The following TENM4 variants were observed in gnomAD, a reference collection of about 807,000 sequenced individuals.
TENM4 encodes the protein teneurin transmembrane protein 4.
In TENM4, 82 loss-of-function variants were observed where a neutral mutation model predicts 243.3. The observed-to-expected ratio is 0.34, with a 90% CI of 0.28 to 0.40. The LOEUF (loss-of-function observed/expected upper bound fraction) is 0.40. Ranked by LOEUF, TENM4 falls within the 10% of genes least tolerant of loss-of-function variation. The pLI, the probability that TENM4 is intolerant of heterozygous loss-of-function variation, is 1.00. For missense variants in TENM4, 3,138 were observed against 3,673.3 expected, an observed-to-expected ratio of 0.85 and a Z score of 3.77; for synonymous variants, 1,412 against 1,456.3, an observed-to-expected ratio of 0.97 and a Z score of 0.69.
At chr11:78,765,098 C>G (rs1856516300) in intron 18 of TENM4, among the ~76,000 whole-genome samples, 1 of 152,164 alleles carries the variant, frequency 6.6e-6, no homozygotes, top group African/African-American at 2.4e-5. Context: ...GACCCATTAG[C>G]CAACCATATC....
In TENM4 at chr11:78,732,390, C is replaced by T; in HGVS notation, c.3064G>A (p.Val1022Ile). The T allele has an allele frequency of 6.2e-7, 1 of 1,613,938 alleles. No individual in the cohort carries two copies. Among genetic ancestry groups the T allele is most frequent in the South Asian group, 1.1e-5 (1 of 91,084 alleles). The change falls in exon 21 of 34, where the codon GTC (valine) becomes ATC (isoleucine). Residue 1022 changes from valine to isoleucine, a missense_variant. Val to Ile is a conservative substitution (Grantham distance 29). Transcript: ENST00000278550. ...DLSNFARPNP[V>I]VSPSPLTSFA... ...GACGTCAGTGGGGATGGAGAGACGA[C>T]TGGGTTGGGGCGGGCAAAATTGCTC...
chr11:79,140,332 G>A (rs1041004349), intron 4 of TENM4, among the ~76,000 whole-genome samples: 8 of 152,056 alleles, frequency 5.3e-5, no homozygotes, highest in Admixed American at 5.2e-4. Flanking sequence ...TACCCCCAAG[G>A]TTGGGCTAAA....
chr11:79,232,097 C>CAAACA (rs1292037245), intron 2 of TENM4, among the ~76,000 whole-genome samples: 21 of 151,984 alleles, frequency 1.4e-4, no homozygotes, highest in Non-Finnish European at 5.9e-5. Flanking sequence ...AAAGAAAAAG[C>CAAACA]AAACAAAACA....
At chr11:79,396,151 T>C (rs1230380401) in intron 1 of TENM4, among the ~76,000 whole-genome samples, 4 of 152,350 alleles carry the variant, frequency 2.6e-5, no homozygotes, top group South Asian at 2.1e-4. Flanking sequence ...AGATGAAAGC[T>C]TGATCCTTCT....
intron 25 of TENM4, among the ~76,000 whole-genome samples, chr11:78,716,813 G>A (rs920545344): frequency 7.2e-5 from 11 of 152,334 alleles, no homozygotes; most frequent in South Asian, 2.1e-4. Flanking sequence ...GCTCTGGGGC[G>A]GGGAACTTGA....
At chr11:79,062,516 T>A (rs1308977622) in intron 6 of TENM4, among the ~76,000 whole-genome samples, 1 of 152,334 alleles carries the variant, frequency 6.6e-6, no homozygotes, top group South Asian at 2.1e-4. Flanking sequence ...TCCATTAGCA[T>A]GCACATTAAC....
intron 2 of TENM4, among the ~76,000 whole-genome samples, chr11:79,275,313 T>C (rs2135352386): frequency 6.6e-6 from 1 of 152,320 alleles, no homozygotes; most frequent in South Asian, 2.1e-4. Context: ...TGTGTATGCC[T>C]GTGCTTCTCA....
At chr11:78,704,159 C>CTATATATA (rs56026926) in intron 27 of TENM4, among the ~76,000 whole-genome samples, 2,192 of 105,778 alleles carry the variant, frequency 0.021, 42 homozygotes, top group African/African-American at 0.028. Context: ...GTATGTGTGT[C>CTATATATA]TATATATATA....
At chr11:78,998,309 T>C (rs1425335878) in intron 6 of TENM4, among the ~76,000 whole-genome samples, 4 of 152,190 alleles carry the variant, frequency 2.6e-5, no homozygotes, top group African/African-American at 9.7e-5. Context: ...AGCTTCACTT[T>C]CTTTATCTTT....
chr11:79,183,883 G>A (rs1035431533), intron 3 of TENM4, among the ~76,000 whole-genome samples: 1 of 152,104 alleles, frequency 6.6e-6, no homozygotes, highest in African/African-American at 2.4e-5. Context: ...TAGAAAAATT[G>A]GAACCCTTGT....
chr11:78,926,333 G>A (rs1856550531), intron 6 of TENM4, among the ~76,000 whole-genome samples: 1 of 149,152 alleles, frequency 6.7e-6, no homozygotes, highest in Admixed American at 6.7e-5. Context: ...CTGGAGTGCA[G>A]TGGCATGATC....
At chr11:79,048,249 T>C (rs899410375) in intron 6 of TENM4, among the ~76,000 whole-genome samples, 2 of 152,212 alleles carry the variant, frequency 1.3e-5, no homozygotes, top group African/African-American at 4.8e-5. Flanking sequence ...TCTACAGTCA[T>C]GTCTGAACTC....
At chr11:78,995,116 T>C (rs1228634432) in intron 6 of TENM4, among the ~76,000 whole-genome samples, 4 of 152,194 alleles carry the variant, frequency 2.6e-5, no homozygotes, top group Non-Finnish European at 5.9e-5. Flanking sequence ...ATGCACTATA[T>C]TTCCTAGAAT....
intron 6 of TENM4, among the ~76,000 whole-genome samples, chr11:79,062,665 T>C (rs146031494): frequency 2.6e-5 from 4 of 152,286 alleles, no homozygotes; most frequent in South Asian, 2.1e-4. Context: ...GGGATGCTAA[T>C]TTCATTTAAA....
chr11:79,299,420 C>T (rs1255312384), intron 1 of TENM4, among the ~76,000 whole-genome samples: 2 of 152,234 alleles, frequency 1.3e-5, no homozygotes, highest in African/African-American at 4.8e-5. Flanking sequence ...TCCCCATCCT[C>T]AGACCCCAGA....
intron 1 of TENM4, among the ~76,000 whole-genome samples, chr11:79,339,649 G>A (rs1857210001): frequency 6.6e-6 from 1 of 152,094 alleles, no homozygotes; most frequent in African/African-American, 2.4e-5. Flanking sequence ...GGGTCCCATG[G>A]TTAAGTGATA....
rs1481919173 is a variant in TENM4 at position 78,676,231 on chromosome 11, T to A, written c.5417A>T (p.Asn1806Ile). The A allele has an allele frequency of 6.2e-7, 1 of 1,605,786 alleles. No homozygotes were observed. ...GCGCCACTCCACCAGGTTGAGGCCG[T>A]TGTCGATGGGCAGCGTGACATTCCT... The part of the protein sequence containing the change: ...GKRNVTLPID[N>I]GLNLVEWRQR... The change falls in exon 30 of 34, where the codon AAC (asparagine) becomes ATC (isoleucine). Residue 1806 changes from asparagine to isoleucine, a missense_variant. Around this residue, in one of 2 missense-constraint regions of TENM4, gnomAD observed 2,467 missense variants for 3,059.1 expected, o/e 0.81. Coordinates refer to ENST00000278550, the MANE Select transcript of TENM4 (RefSeq NM_001098816.3).
intron 18 of TENM4, among the ~76,000 whole-genome samples, chr11:78,765,711 T>G (rs1856527499): frequency 6.6e-6 from 1 of 152,216 alleles, no homozygotes. Context: ...TCATTTCAGT[T>G]CTCTGAGCCT....
intron 4 of TENM4, among the ~76,000 whole-genome samples, chr11:79,092,234 AGACT>A (rs762054398): frequency 2.6e-5 from 4 of 152,218 alleles, no homozygotes; most frequent in Non-Finnish European, 4.4e-5. Context: ...CTGGTGGGGC[AGACT>A]GACTTTCAAA....
Sources: allele counts gnomAD v4.1 joint callset (sites outside exome capture counted in the v4.1 genomes callset), GRCh38; gene constraint gnomAD v4.1.1; regional missense constraint gnomAD v4.1.1; transcripts MANE v1.5; gene names NCBI Gene and HGNC (gene_info 2026-07-23, HGNC 2026-07-21).